Variants in DAAM1 observed in about 807,000 individuals in gnomAD.
The protein encoded by DAAM1 is disheveled-associated activator of morphogenesis 1.
DAAM1 carries 52 observed loss-of-function variants against 130.0 expected under a neutral mutation model. The observed-to-expected ratio is 0.40, with a 90% confidence interval of 0.32 to 0.50. DAAM1 has a LOEUF of 0.50. Among genes scored for constraint, DAAM1 ranks in the 20% least tolerant of loss-of-function variants. The pLI is 0.61. For synonymous variants in DAAM1, 452 were observed against 444.5 expected, an observed-to-expected ratio of 1.02 and a Z score of -0.21; for missense variants, 1,134 against 1,303.8, an observed-to-expected ratio of 0.87 and a Z score of 2.01.
chr14:59,340,612 T>G (rs1253033), intron 16 of DAAM1, among the ~76,000 whole-genome samples: 1 of 152,234 alleles, frequency 6.6e-6, no homozygotes. Flanking sequence ...TGATTTCATG[T>G]TCTTTTTGAG....
At chr14:59,363,570 G>C in intron 22 of DAAM1, 81 bp from the exon 23 acceptor site, 1 of 1,569,586 alleles carries the variant, frequency 6.4e-7, no homozygotes, top group South Asian at 1.2e-5. Context: ...TTAAATTTAA[G>C]GCATGTGAAA....
At chr14:59,358,095 A>G (rs938143459) in intron 20 of DAAM1, among the ~76,000 whole-genome samples, 4 of 152,232 alleles carry the variant, frequency 2.6e-5, no homozygotes, top group Admixed American at 6.5e-5. Flanking sequence ...TCTAACTTCA[A>G]CAGATAAGTA....
At chr14:59,244,125 G>T (rs73295955) in intron 1 of DAAM1, among the ~76,000 whole-genome samples, 2 of 151,988 alleles carry the variant, frequency 1.3e-5, no homozygotes, top group Non-Finnish European at 2.9e-5. Context: ...GGTGATTTCC[G>T]CTTTCACTTG....
At chr14:59,190,016 A>G (rs1211346491) in intron 1 of DAAM1, among the ~76,000 whole-genome samples, 1 of 152,076 alleles carries the variant, frequency 6.6e-6, no homozygotes, top group Non-Finnish European at 1.5e-5. Context: ...AGTTGCCTGC[A>G]AGATGAATCC....
At position 59,360,854 on chromosome 14, in the gene DAAM1, G is replaced by T; in HGVS notation, c.2686G>T (p.Val896Leu). 6.2e-7 allele frequency: 1 copy of T among 1,613,658 alleles called. No homozygotes were observed. Among genetic ancestry groups the T allele is most frequent in the Non-Finnish European group, 8.5e-7 (1 of 1,179,872 alleles). ...TACCTTGAGAAGTGGCTTGAAAGCA[G>T]TAGAGACAGTGAGTATTTTTTTGTT... ...ISTLRSGLKA[V>L]ETELEYQKSQ... The change falls in exon 22 of 25, where the codon GTA (valine) becomes TTA (leucine). Residue 896 changes from valine (V) to leucine (L), a missense_variant. Physicochemically the swap from Val to Leu is conservative, Grantham distance 32. Transcript: ENST00000360909.
chr14:59,227,942 A>G (rs910427934), intron 1 of DAAM1, among the ~76,000 whole-genome samples: 24 of 152,198 alleles, frequency 1.6e-4, no homozygotes, highest in Admixed American at 1.6e-3. Context: ...TCTCTGCCAC[A>G]CACCGAAACA....
At chr14:59,256,816 G>A (rs977411711) in intron 1 of DAAM1, among the ~76,000 whole-genome samples, 1 of 152,196 alleles carries the variant, frequency 6.6e-6, no homozygotes, top group African/African-American at 2.4e-5. Context: ...GGCATTTTGA[G>A]TTTTCTTCGT....
chr14:59,352,461 GT>G, intron 17 of DAAM1, 64 bp from the exon 18 acceptor site: 2 of 1,283,026 alleles, frequency 1.6e-6, no homozygotes, highest in South Asian at 2.7e-5. Flanking sequence ...AACTGAAAGG[GT>G]GAAAAATTAC....
intron 2 of DAAM1, among the ~76,000 whole-genome samples, chr14:59,287,022 T>C (rs1244781818): frequency 6.6e-6 from 1 of 152,166 alleles, no homozygotes; most frequent in African/African-American, 2.4e-5. Flanking sequence ...TGAAGGTAGA[T>C]GCAAGAATCC....
At chr14:59,212,228 A>G (rs921484572) in intron 1 of DAAM1, among the ~76,000 whole-genome samples, 3 of 152,214 alleles carry the variant, frequency 2.0e-5, no homozygotes, top group Non-Finnish European at 4.4e-5. Flanking sequence ...AAAGTATGTG[A>G]TCATAATAAT....
In DAAM1 at chr14:59,368,857, T is replaced by G. The variant is rs778138642; in HGVS notation, c.3205T>G (p.Ter1069GluextTer8). 2.5e-6 allele frequency: 4 copies of G among 1,612,822 alleles called. No homozygotes were observed. Among genetic ancestry groups the G allele is most frequent in the Non-Finnish European group, 2.5e-6 (3 of 1,179,342 alleles). The change falls in exon 25 of 25, where the codon TAA becomes GAA. Residue 1069 changes from the stop codon to glutamate, a stop_lost. Coordinates refer to ENST00000360909, the MANE Select transcript of DAAM1 (RefSeq NM_001270520.2). ...GAGACCAATCACAAAACTTAATTTCTAATTTTCCATGAATACTTTTTTTTA... is the reference window on the plus strand; with the variant it reads ...GAGACCAATCACAAAACTTAATTTCGAATTTTCCATGAATACTTTTTTTTA... ...RERPITKLNF[*>E]
chr14:59,339,456 A>G (rs1481181223), intron 15 of DAAM1, among the ~76,000 whole-genome samples: 5 of 152,178 alleles, frequency 3.3e-5, no homozygotes, highest in Non-Finnish European at 7.3e-5. Flanking sequence ...ACAGATTTCT[A>G]TACAGCAACA....
intron 17 of DAAM1, among the ~76,000 whole-genome samples, chr14:59,349,372 G>A (rs968062838): frequency 6.6e-6 from 1 of 152,274 alleles, no homozygotes; most frequent in East Asian, 1.9e-4. Flanking sequence ...CAAATAGAGT[G>A]TGCTTCAAAT....
rs371402044 is a variant in DAAM1, at chr14:59,253,932, G to A, written c.-37-9509G>A. On this transcript the variant is annotated intron_variant, in intron 1 of 24. Transcript: ENST00000360909. Reference sequence around the variant, plus strand: ...ATTAAGTATATATCTATTCAACTTCGCATCTCTCAAAATTTGCCTGCATTA... The same window carrying A: ...ATTAAGTATATATCTATTCAACTTCACATCTCTCAAAATTTGCCTGCATTA... Among the ~76,000 whole-genome samples the A allele has an allele frequency of 1.8e-4, 28 of 152,266 alleles. 1 individual carries two copies. The highest frequency in any genetic ancestry group is 9.2e-4 in the Admixed American group (14 of 15,290).
intron 20 of DAAM1, among the ~76,000 whole-genome samples, chr14:59,356,609 A>G (rs572096033): frequency 3.3e-5 from 5 of 152,324 alleles, no homozygotes; most frequent in Admixed American, 1.3e-4. Flanking sequence ...CCACAGCTCT[A>G]TTAGCAGCAG....
Position 59,363,928 on chromosome 14 carries a change from C to T in DAAM1, c.2826+146C>T, listed in dbSNP as rs1415526858. The T allele has an allele frequency of 6.7e-6, 8 of 1,197,662 alleles. No homozygotes were observed. The African/African-American group carries it at 1.2e-4, about 18-fold the overall frequency. 74.2% of individuals were successfully genotyped at this position (1,197,662 alleles called of 1,614,324 possible). On this transcript the variant is annotated intron_variant, in intron 23 of 24. Coordinates refer to ENST00000360909, the MANE Select transcript of DAAM1 (RefSeq NM_001270520.2). ...AATAAAGTAGTAGATAATTACTTTC[C>T]AGATTCCATTGTTTTGCATGACATA...
chr14:59,223,482 T>C (rs1169595401), intron 1 of DAAM1, among the ~76,000 whole-genome samples: 1 of 152,154 alleles, frequency 6.6e-6, no homozygotes, highest in Non-Finnish European at 1.5e-5. Flanking sequence ...ATTTGTAGGA[T>C]CCTGCTGAAG....
At chr14:59,354,785 G>A (rs1886413827) in intron 19 of DAAM1, among the ~76,000 whole-genome samples, 1 of 151,894 alleles carries the variant, frequency 6.6e-6, no homozygotes, top group Non-Finnish European at 1.5e-5. Context: ...TTTTCTGTCA[G>A]TGGAATTGAT....
chr14:59,225,018 G>GTT (rs1566656866), intron 1 of DAAM1, among the ~76,000 whole-genome samples: 2 of 102,868 alleles, frequency 1.9e-5, no homozygotes, highest in African/African-American at 3.5e-5. Context: ...AATCTGTGTG[G>GTT]GTTTTTTTTT....
Sources: allele counts gnomAD v4.1 joint callset (sites outside exome capture counted in the v4.1 genomes callset), GRCh38; gene constraint gnomAD v4.1.1; transcripts MANE v1.5; gene names NCBI Gene and HGNC (gene_info 2026-07-23, HGNC 2026-07-21).